The following OPCML variants were observed in gnomAD, a reference collection of about 807,000 sequenced individuals.
The protein encoded by OPCML is opioid binding protein/cell adhesion molecule like.
A neutral mutation model predicts 37.8 loss-of-function variants in OPCML; 13 were observed. The observed-to-expected ratio is 0.34, with a 90% CI of 0.22 to 0.55. The LOEUF (loss-of-function observed/expected upper bound fraction) is 0.55, where lower values mean the gene tolerates loss of function less well. OPCML is among the 20% of genes least tolerant of loss of function. The probability of loss-of-function intolerance (pLI) is 0.91; values close to 1 mark genes in which losing one functional copy is unlikely to be tolerated. For missense variants in OPCML, 341 were observed against 435.6 expected, an observed-to-expected ratio of 0.78 and a Z score of 1.93; for synonymous variants, 176 against 168.8, an observed-to-expected ratio of 1.04 and a Z score of -0.33.
chr11:133,318,670 T>C (rs1592196804), intron 1 of OPCML, among the ~76,000 whole-genome samples: 1 of 152,342 alleles, frequency 6.6e-6, no homozygotes, highest in Non-Finnish European at 1.5e-5. Flanking sequence ...CGATATCTGC[T>C]AGTTCACCCT....
intron 1 of OPCML, among the ~76,000 whole-genome samples, chr11:133,040,367 C>G (rs1483706469): frequency 6.6e-6 from 1 of 152,188 alleles, no homozygotes; most frequent in Non-Finnish European, 1.5e-5. Context: ...TGCTCTCTTC[C>G]TCAAACACCT....
At chr11:132,670,035 T>A (rs770226930) in intron 2 of OPCML, among the ~76,000 whole-genome samples, 2 of 152,110 alleles carry the variant, frequency 1.3e-5, no homozygotes, top group Non-Finnish European at 2.9e-5. Flanking sequence ...AGCTTTAAAA[T>A]TCAGCCTCCC....
At chr11:133,026,420 C>CT (rs1339571975) in intron 1 of OPCML, 1 of 985,310 alleles carries the variant, frequency 1.0e-6, no homozygotes, top group Non-Finnish European at 1.2e-6. Flanking sequence ...TTAGGGAAAC[C>CT]TGTTTGCATC....
chr11:132,466,558 G>A (rs2096120800), intron 4 of OPCML, among the ~76,000 whole-genome samples: 1 of 151,762 alleles, frequency 6.6e-6, no homozygotes, highest in Admixed American at 6.6e-5. Context: ...TAAGAGAAAC[G>A]CATGGAAAGA....
At position 132,769,594 on chromosome 11, in the gene OPCML, A is replaced by G. The variant is rs112757219; in HGVS notation, c.147-112275T>C. 2.3e-3 allele frequency among the ~76,000 whole-genome samples: 351 copies of G among 152,292 alleles called. 2 individuals carry two copies. The highest frequency in any genetic ancestry group is 8.0e-3 in the African/African-American group (334 of 41,566). On this transcript the variant is annotated intron_variant, in intron 2 of 7. Transcript: ENST00000524381. ...CTTTTCAATATCTGCTCCTACCCTC[A>G]AAGTAGACGCTGCCTTTGGGTGGGC...
chr11:133,154,011 T>A (rs995117144), intron 1 of OPCML, among the ~76,000 whole-genome samples: 3 of 150,450 alleles, frequency 2.0e-5, no homozygotes, highest in African/African-American at 7.3e-5. Context: ...GAAGCAATCC[T>A]TAAAAGGACG....
intron 1 of OPCML, among the ~76,000 whole-genome samples, chr11:133,509,087 G>A (rs1948100142): frequency 6.6e-6 from 1 of 151,832 alleles, no homozygotes; most frequent in Admixed American, 6.6e-5. Context: ...TTTATGTTCT[G>A]GGATACATGT....
At chr11:132,529,444 G>A (rs2096317821) in intron 3 of OPCML, 1 of 154,212 alleles carries the variant, frequency 6.5e-6, no homozygotes, top group Admixed American at 6.5e-5. Context: ...GGAATTGAGA[G>A]ATGGTGTGAC....
chr11:133,362,477 C>G (rs540361906), intron 1 of OPCML, among the ~76,000 whole-genome samples: 2 of 152,228 alleles, frequency 1.3e-5, no homozygotes, highest in East Asian at 1.9e-4. Context: ...CTTAGGCCTC[C>G]GGGGAAGTGA....
At chr11:132,459,060 T>C (rs2136898364) in intron 4 of OPCML, among the ~76,000 whole-genome samples, 1 of 152,328 alleles carries the variant, frequency 6.6e-6, no homozygotes, top group East Asian at 1.9e-4. Context: ...GGGCCATCCT[T>C]CCCAATGTGG....
At chr11:133,244,981 T>G (rs1940868402) in intron 1 of OPCML, among the ~76,000 whole-genome samples, 1 of 152,228 alleles carries the variant, frequency 6.6e-6, no homozygotes, top group South Asian at 2.1e-4. Flanking sequence ...AGGCCCCTGC[T>G]GCCCAGGAAA....
intron 2 of OPCML, among the ~76,000 whole-genome samples, chr11:132,866,495 G>A (rs186463731): frequency 1.4e-4 from 21 of 152,218 alleles, no homozygotes; most frequent in African/African-American, 4.3e-4. Flanking sequence ...GTTTTTTGTC[G>A]ATTTTTGACT....
chr11:132,660,956 C>A (rs950455655), intron 2 of OPCML, among the ~76,000 whole-genome samples: 6 of 152,206 alleles, frequency 3.9e-5, no homozygotes, highest in Non-Finnish European at 5.9e-5. Context: ...CTTTGAAGTG[C>A]ATTTCCTGAA....
intron 1 of OPCML, among the ~76,000 whole-genome samples, chr11:133,045,570 T>C (rs1340065202): frequency 4.6e-5 from 7 of 152,152 alleles, no homozygotes; most frequent in African/African-American, 1.7e-4. Context: ...GGGTCAGGGT[T>C]TCACTCTTGG....
At chr11:132,821,988 CA>C (rs1265784463) in intron 2 of OPCML, among the ~76,000 whole-genome samples, 1 of 152,162 alleles carries the variant, frequency 6.6e-6, no homozygotes, top group African/African-American at 2.4e-5. Flanking sequence ...CCAGTGAAAC[CA>C]AATAAAAATG....
chr11:133,358,304 ATT>A (rs1944336713), intron 1 of OPCML, among the ~76,000 whole-genome samples: 1 of 152,104 alleles, frequency 6.6e-6, no homozygotes, highest in Non-Finnish European at 1.5e-5. Context: ...AAGGGCAGGG[ATT>A]CTATTTTGTA....
At chr11:133,386,744 C>T (rs781169266) in intron 1 of OPCML, among the ~76,000 whole-genome samples, 20 of 152,234 alleles carry the variant, frequency 1.3e-4, no homozygotes, top group Non-Finnish European at 2.8e-4. Flanking sequence ...CGCACCCCAC[C>T]TTTCCTTTTT....
At chr11:133,298,182 T>C (rs1025134038) in intron 1 of OPCML, 1 of 152,166 alleles carries the variant, frequency 6.6e-6, no homozygotes. Context: ...GGGCTTGAAT[T>C]GTGTTCTTCA....
chr11:132,752,523 A>T (rs1482208334), intron 2 of OPCML, among the ~76,000 whole-genome samples: 1 of 152,146 alleles, frequency 6.6e-6, no homozygotes, highest in Non-Finnish European at 1.5e-5. Flanking sequence ...CATAGAACTG[A>T]ATCATAAGGA....
Sources: gnomAD v4.1 joint callset for allele counts (sites outside exome capture counted in the v4.1 genomes callset) on GRCh38, gnomAD v4.1.1 for gene constraint, MANE v1.5 for transcripts, NCBI Gene and HGNC (gene_info 2026-07-23, HGNC 2026-07-21) for gene names.